The following ADCY2 variants were observed in gnomAD, a reference collection of about 807,000 sequenced individuals.
The protein encoded by ADCY2 is adenylate cyclase type 2.
In ADCY2, 31 loss-of-function variants were observed where a neutral mutation model predicts 125.2. The ratio of observed to expected loss-of-function variants is 0.25; its 90% CI spans 0.19 to 0.33. ADCY2 has a LOEUF of 0.33. Ranked by LOEUF, ADCY2 falls within the 10% of genes least tolerant of loss-of-function variation. ADCY2 has a pLI of 1.00. For missense variants in ADCY2, 904 were observed against 1,418.2 expected (o/e 0.64, Z 5.82); for synonymous variants, 512 against 548.4 (o/e 0.93, Z 0.93).
At chr5:7,798,146 G>C (rs984768832) in intron 20 of ADCY2, 2 of 152,464 alleles carry the variant, frequency 1.3e-5, no homozygotes, top group Admixed American at 6.5e-5. Flanking sequence ...GTGACGGGGG[G>C]AAGGCAGTGG....
At chr5:7,643,967 A>T (rs527788847) in intron 4 of ADCY2, among the ~76,000 whole-genome samples, 1 of 151,952 alleles carries the variant, frequency 6.6e-6, no homozygotes, top group Admixed American at 6.6e-5. Flanking sequence ...CATTTTAACA[A>T]TATAATTATT....
chr5:7,481,434 T>A (rs533287532), intron 2 of ADCY2, among the ~76,000 whole-genome samples: 1 of 152,086 alleles, frequency 6.6e-6, no homozygotes, highest in South Asian at 2.1e-4. Flanking sequence ...GCCTGGCTAA[T>A]TTTTTGTATT....
At chr5:7,740,604 A>G (rs1453713249) in intron 14 of ADCY2, among the ~76,000 whole-genome samples, 1 of 152,116 alleles carries the variant, frequency 6.6e-6, no homozygotes, top group East Asian at 1.9e-4. Flanking sequence ...TCAAAGTGAA[A>G]TAATAGAGGC....
chr5:7,598,627 G>T (rs896865946), intron 3 of ADCY2, among the ~76,000 whole-genome samples: 1 of 152,196 alleles, frequency 6.6e-6, no homozygotes. Flanking sequence ...TGGAGAATTC[G>T]AGGCAGAGGG....
chr5:7,577,033 T>C (rs1736274236), intron 3 of ADCY2, among the ~76,000 whole-genome samples: 1 of 152,234 alleles, frequency 6.6e-6, no homozygotes, highest in African/African-American at 2.4e-5. Flanking sequence ...GATACTCAAT[T>C]CCTTCCTCCC....
chr5:7,595,287 T>C (rs1284140843), intron 3 of ADCY2, among the ~76,000 whole-genome samples: 2 of 152,234 alleles, frequency 1.3e-5, no homozygotes, highest in Non-Finnish European at 2.9e-5. Context: ...CATTCCTTAT[T>C]GGCCATTGCT....
At chr5:7,437,654 T>C (rs1233323703) in intron 2 of ADCY2, among the ~76,000 whole-genome samples, 1 of 152,260 alleles carries the variant, frequency 6.6e-6, no homozygotes, top group Admixed American at 6.5e-5. Context: ...GCAATGAGTC[T>C]TCCAGTGTCC....
chr5:7,662,821 A>G (rs1739578445), intron 4 of ADCY2, among the ~76,000 whole-genome samples: 1 of 152,238 alleles, frequency 6.6e-6, no homozygotes. Context: ...CAACAAGAGC[A>G]CAGAGAAGTT....
intron 17 of ADCY2, among the ~76,000 whole-genome samples, chr5:7,769,754 G>A (rs371404253): frequency 3.3e-5 from 5 of 152,134 alleles, no homozygotes; most frequent in East Asian, 1.9e-4. Context: ...TGGGATTCTC[G>A]TTTTGCAAGT....
intron 3 of ADCY2, among the ~76,000 whole-genome samples, chr5:7,614,712 A>T (rs982657701): frequency 1.3e-5 from 2 of 152,180 alleles, no homozygotes; most frequent in Non-Finnish European, 2.9e-5. Flanking sequence ...AGTGGGAGGC[A>T]TGGCCAGGGG....
intron 16 of ADCY2, among the ~76,000 whole-genome samples, chr5:7,763,218 G>A (rs1031288249): frequency 2.0e-5 from 3 of 151,898 alleles, no homozygotes; most frequent in African/African-American, 2.4e-5. Context: ...TGCGTCCCGC[G>A]TAGCTGGGAC....
intron 5 of ADCY2, among the ~76,000 whole-genome samples, chr5:7,693,327 T>C (rs1740769641): frequency 6.6e-6 from 1 of 152,002 alleles, no homozygotes; most frequent in African/African-American, 2.4e-5. Context: ...GTTTTCTCCC[T>C]CTATGGTCCC....
At chr5:7,425,753 A>G (rs1222559168) in intron 2 of ADCY2, among the ~76,000 whole-genome samples, 1 of 152,220 alleles carries the variant, frequency 6.6e-6, no homozygotes, top group African/African-American at 2.4e-5. Context: ...CTTCACAGTA[A>G]ACTTTTAGAT....
At chr5:7,584,202 T>C (rs998008949) in intron 3 of ADCY2, among the ~76,000 whole-genome samples, 3 of 152,116 alleles carry the variant, frequency 2.0e-5, no homozygotes, top group Admixed American at 6.5e-5. Context: ...TTAATAATAT[T>C]GGATTGGGAT....
chr5:7,431,944 T>C (rs1386432318), intron 2 of ADCY2, among the ~76,000 whole-genome samples: 1 of 152,058 alleles, frequency 6.6e-6, no homozygotes, highest in African/African-American at 2.4e-5. Context: ...CATCCCTGTT[T>C]TCTCGCTGGA....
chr5:7,708,571 C>A lies in ADCY2; in HGVS notation c.1402-640C>A, dbSNP rs570240374. The stretch of plus-strand genomic sequence containing the variant: ...ATGTAATTCTTCCCAAATTACACAG[C>A]TGGTAAATGGTGCAAATATCAGCAA... On this transcript the variant is annotated intron_variant, in intron 9 of 24. Transcript: ENST00000338316. 5.3e-5 allele frequency among the ~76,000 whole-genome samples: 8 copies of A among 152,272 alleles called. No homozygotes were observed. The South Asian group carries it at 1.7e-3, about 32-fold the overall frequency.
intron 4 of ADCY2, among the ~76,000 whole-genome samples, chr5:7,643,555 T>G (rs1424192688): frequency 6.8e-6 from 1 of 146,794 alleles, no homozygotes; most frequent in Admixed American, 6.8e-5. Flanking sequence ...TTTGGTTTCA[T>G]TTCTTTTTTT....
At chr5:7,564,960 G>A (rs1735843133) in intron 3 of ADCY2, among the ~76,000 whole-genome samples, 1 of 152,172 alleles carries the variant, frequency 6.6e-6, no homozygotes, top group Admixed American at 6.5e-5. Flanking sequence ...TTACATAAAG[G>A]TTTCTCTAAG....
chr5:7,746,719 T>C (rs993962327), intron 15 of ADCY2, among the ~76,000 whole-genome samples: 1 of 152,232 alleles, frequency 6.6e-6, no homozygotes, highest in African/African-American at 2.4e-5. Flanking sequence ...ATGGTAACTT[T>C]CTGAAAACTT....
Sources: gnomAD v4.1 joint callset for allele counts (sites outside exome capture counted in the v4.1 genomes callset) on GRCh38, gnomAD v4.1.1 for gene constraint, MANE v1.5 for transcripts, NCBI Gene and HGNC (gene_info 2026-07-23, HGNC 2026-07-21) for gene names.